Variants in MYO16 observed in about 807,000 individuals in gnomAD.
MYO16 encodes unconventional myosin-XVI.
Under a neutral mutation model 205.3 loss-of-function variants are expected in MYO16, and 94 were observed. That is an observed-to-expected ratio of 0.46 (90% CI 0.39 to 0.54). The LOEUF (loss-of-function observed/expected upper bound fraction) is 0.54, where lower values mean the gene tolerates loss of function less well. MYO16 is among the 20% of genes least tolerant of loss of function. The pLI, the probability that MYO16 is intolerant of heterozygous loss-of-function variation, is 0.00. For synonymous variants in MYO16, 988 were observed against 954.0 expected (o/e 1.04, Z -0.66); for missense variants, 2,315 against 2,387.5 (o/e 0.97, Z 0.63).
chr13:108,711,862 G>A (rs540471809), intron 2 of MYO16, among the ~76,000 whole-genome samples: 121 of 152,264 alleles, frequency 7.9e-4, no homozygotes, highest in Middle Eastern at 3.4e-3. Context: ...TTGTGTGTGT[G>A]GAAAATGCAT....
At chr13:108,705,062 C>A (rs185418107) in intron 2 of MYO16, among the ~76,000 whole-genome samples, 104 of 137,586 alleles carry the variant, frequency 7.6e-4, no homozygotes, top group Non-Finnish European at 1.4e-3. Flanking sequence ...GTTTTAGGTA[C>A]CTATGATCAA....
At chr13:108,895,958 G>T (rs967969990) in intron 14 of MYO16, among the ~76,000 whole-genome samples, 2 of 152,258 alleles carry the variant, frequency 1.3e-5, no homozygotes, top group Admixed American at 1.3e-4. Flanking sequence ...TTATTCCAGC[G>T]TGAGAATTAA....
chr13:108,672,526 T>A (rs994096705), intron 2 of MYO16, among the ~76,000 whole-genome samples: 2 of 147,200 alleles, frequency 1.4e-5, no homozygotes, highest in Non-Finnish European at 1.5e-5. Flanking sequence ...TAATTCAGGA[T>A]TTTTTTTGCT....
Position 108,785,630 on chromosome 13 carries a change from T to C in MYO16, c.508-5T>C. On this transcript the variant is annotated splice_polypyrimidine_tract_variant and splice_region_variant and intron_variant, in intron 4 of 34. Transcript: ENST00000457511. ...ATGATGTTATATTTTTTTCTTTTTA[T>C]CTAGGCTGGAGCCAATGTCCTTCTC... 1 of 1,582,220 alleles carries C rather than the reference T, an allele frequency of 6.3e-7. No homozygotes were observed. The highest frequency in any genetic ancestry group is 8.6e-7 in the Non-Finnish European group (1 of 1,165,048).
chr13:109,170,654 T>A (rs1246317430), intron 33 of MYO16, among the ~76,000 whole-genome samples: 1 of 148,592 alleles, frequency 6.7e-6, no homozygotes, highest in Non-Finnish European at 1.5e-5. Context: ...GAAATGATCC[T>A]AAAAAACTTA....
intron 27 of MYO16, among the ~76,000 whole-genome samples, chr13:109,100,104 A>G (rs1888913880): frequency 6.6e-6 from 1 of 152,224 alleles, no homozygotes. Flanking sequence ...ATCTCAGGTT[A>G]ACCACTGTAA....
the MYO16 span, among the ~76,000 whole-genome samples, chr13:108,501,047 G>C: frequency 1.1e-3 from 174 of 152,224 alleles, 1 homozygote; most frequent in South Asian, 0.035. Context: ...TTCTAGCTTT[G>C]TTCAGCTGGA....
At chr13:109,113,734 A>G (rs1875524956) in intron 28 of MYO16, among the ~76,000 whole-genome samples, 1 of 152,142 alleles carries the variant, frequency 6.6e-6, no homozygotes, top group African/African-American at 2.4e-5. Context: ...TAGAAAGGCA[A>G]GAGTGGGTAG....
At chr13:108,797,370 T>C (rs1886826470) in intron 6 of MYO16, among the ~76,000 whole-genome samples, 1 of 152,136 alleles carries the variant, frequency 6.6e-6, no homozygotes, top group Non-Finnish European at 1.5e-5. Flanking sequence ...CTGGATGAAG[T>C]CACTACTTGT....
At position 108,716,791 on chromosome 13, in the gene MYO16, G is replaced by A. The variant is rs539914456; in HGVS notation, c.363+4060G>A. Among the ~76,000 whole-genome samples the A allele has an allele frequency of 7.2e-5, 11 of 152,224 alleles. No individual in the cohort carries two copies. The East Asian group carries it at 2.1e-3, about 29-fold the overall frequency. On this transcript the variant is annotated intron_variant, in intron 3 of 34. Transcript: ENST00000457511. ...TCAGCTGCAGAAATTACTTAGTTGTGTTTAACTCAATTGCTATTAAAGGTA... is the reference window on the plus strand; with the variant it reads ...TCAGCTGCAGAAATTACTTAGTTGTATTTAACTCAATTGCTATTAAAGGTA...
chr13:108,686,521 C>T (rs540874949), intron 2 of MYO16, among the ~76,000 whole-genome samples: 8 of 152,302 alleles, frequency 5.3e-5, no homozygotes, highest in African/African-American at 1.9e-4. Context: ...CAGGCCAGAA[C>T]AGGGTCAGGG....
At chr13:108,884,017 A>G (rs1879738318) in intron 13 of MYO16, among the ~76,000 whole-genome samples, 1 of 152,250 alleles carries the variant, frequency 6.6e-6, no homozygotes, top group Admixed American at 6.5e-5. Context: ...AATCTGCATC[A>G]GAGACCTATA....
At chr13:108,886,773 G>A (rs201308720) in intron 13 of MYO16, among the ~76,000 whole-genome samples, 1 of 152,240 alleles carries the variant, frequency 6.6e-6, no homozygotes, top group East Asian at 1.9e-4. Flanking sequence ...GCGGGTCGGA[G>A]CTTCTCGGGG....
At chr13:109,083,354 G>A (rs1388080018) in intron 27 of MYO16, among the ~76,000 whole-genome samples, 2 of 115,824 alleles carry the variant, frequency 1.7e-5, no homozygotes, top group East Asian at 5.7e-4. Context: ...CTGTACTCCA[G>A]CCTGGGCAAA....
the MYO16 span, among the ~76,000 whole-genome samples, chr13:108,528,344 T>G: frequency 1.3e-5 from 2 of 152,128 alleles, no homozygotes; most frequent in African/African-American, 4.8e-5. Flanking sequence ...GCTATTTATC[T>G]GGCTGTGAGG....
chr13:108,573,519 C>T, the MYO16 span, among the ~76,000 whole-genome samples: 2 of 152,120 alleles, frequency 1.3e-5, no homozygotes, highest in Non-Finnish European at 2.9e-5. Flanking sequence ...CACTGCATAG[C>T]AAAATTATCA....
chr13:109,183,795 G>A (rs1879558914), intron 34 of MYO16, among the ~76,000 whole-genome samples: 1 of 152,146 alleles, frequency 6.6e-6, no homozygotes, highest in African/African-American at 2.4e-5. Context: ...ATAAACTAAT[G>A]GCAATCTGGG....
chr13:108,709,380 T>A (rs916510308), intron 2 of MYO16, among the ~76,000 whole-genome samples: 5 of 152,006 alleles, frequency 3.3e-5, no homozygotes, highest in Non-Finnish European at 7.3e-5. Flanking sequence ...TACTCTCTGA[T>A]GCCGTTTGGG....
chr13:108,605,581 C>T (rs758644120), intron 1 of MYO16, among the ~76,000 whole-genome samples: 65 of 152,282 alleles, frequency 4.3e-4, no homozygotes, highest in Non-Finnish European at 7.5e-4. Flanking sequence ...CTTCACTTTA[C>T]ACTTTTCTCA....
Sources: allele counts gnomAD v4.1 joint callset (sites outside exome capture counted in the v4.1 genomes callset), GRCh38; gene constraint gnomAD v4.1.1; transcripts MANE v1.5; gene names NCBI Gene and HGNC (gene_info 2026-07-23, HGNC 2026-07-21).